The following OSTN variants were observed in gnomAD, a reference collection of about 807,000 sequenced individuals.
The protein encoded by OSTN is osteocrin.
In OSTN, 9 loss-of-function variants were observed where a neutral mutation model predicts 12.0. The ratio of observed to expected loss-of-function variants is 0.75; its 90% CI spans 0.45 to 1.30. The LOEUF (loss-of-function observed/expected upper bound fraction) is 1.30. Among genes scored for constraint, OSTN ranks in the 50% most tolerant of loss-of-function variants. OSTN has a pLI of 0.00. For missense variants in OSTN, 148 were observed against 152.3 expected (o/e 0.97, Z 0.15); for synonymous variants, 59 against 56.9 (o/e 1.04, Z -0.16).
chr3:191,205,972 G>C (rs1411234488), intron 1 of OSTN, among the ~76,000 whole-genome samples: 3 of 152,128 alleles, frequency 2.0e-5, no homozygotes, highest in Non-Finnish European at 4.4e-5. Context: ...ATCACCTGAA[G>C]TCAGGAGTTC....
intron 3 of OSTN, among the ~76,000 whole-genome samples, chr3:191,219,661 C>A (rs1277598992): frequency 6.6e-6 from 1 of 152,144 alleles, no homozygotes; most frequent in Non-Finnish European, 1.5e-5. Context: ...CCTTCAATAT[C>A]TGTTCTTCAT....
intron 4 of OSTN, among the ~76,000 whole-genome samples, chr3:191,250,934 G>C (rs138895069): frequency 2.2e-4 from 33 of 152,194 alleles, no homozygotes; most frequent in South Asian, 6.2e-4. Context: ...AGGGTTAAAG[G>C]TGCCAGCTAA....
intron 3 of OSTN, among the ~76,000 whole-genome samples, chr3:191,226,899 A>G (rs74828936): frequency 6.6e-6 from 1 of 152,140 alleles, no homozygotes; most frequent in Non-Finnish European, 1.5e-5. Flanking sequence ...GAAATAGATG[A>G]CCCCACATAG....
chr3:191,245,190 A>G (rs1715401931), intron 3 of OSTN, among the ~76,000 whole-genome samples: 1 of 152,218 alleles, frequency 6.6e-6, no homozygotes, highest in South Asian at 2.1e-4. Flanking sequence ...ATGTTTTTAC[A>G]TGTGTTACCT....
intron 3 of OSTN, among the ~76,000 whole-genome samples, chr3:191,225,996 T>A (rs778830748): frequency 6.6e-6 from 1 of 152,156 alleles, no homozygotes; most frequent in Non-Finnish European, 1.5e-5. Flanking sequence ...AAAAATACTT[T>A]GTAAAAGAAT....
intron 4 of OSTN, 96 bp from the exon 5 acceptor site, chr3:191,262,766 GTAAT>G: frequency 1.5e-6 from 1 of 649,754 alleles, no homozygotes; most frequent in Admixed American, 2.3e-5. Context: ...GAAACAGCAT[GTAAT>G]TAAAGACTTA....
At chr3:191,255,483 C>G (rs1456123658) in intron 4 of OSTN, among the ~76,000 whole-genome samples, 1 of 152,140 alleles carries the variant, frequency 6.6e-6, no homozygotes, top group Admixed American at 6.5e-5. Context: ...TAAAAATATA[C>G]CACTCCACTC....
At chr3:191,257,287 G>C (rs534185140) in intron 4 of OSTN, among the ~76,000 whole-genome samples, 91 of 149,036 alleles carry the variant, frequency 6.1e-4, no homozygotes, top group African/African-American at 2.1e-3. Context: ...TACACACTTT[G>C]CATATTTTTT....
intron 3 of OSTN, among the ~76,000 whole-genome samples, chr3:191,243,855 C>G (rs1405718418): frequency 6.6e-6 from 1 of 152,036 alleles, no homozygotes; most frequent in East Asian, 1.9e-4. Flanking sequence ...GTACTCAATT[C>G]CTTTTAAGTA....
chr3:191,242,837 C>T (rs1029821992), intron 3 of OSTN, among the ~76,000 whole-genome samples: 6 of 151,864 alleles, frequency 4.0e-5, no homozygotes, highest in Non-Finnish European at 7.4e-5. Context: ...TTTAAAACCA[C>T]ATCAAAGATT....
chr3:191,203,480 C>CAG (rs959529639), intron 1 of OSTN, among the ~76,000 whole-genome samples: 2 of 152,032 alleles, frequency 1.3e-5, no homozygotes, highest in African/African-American at 4.8e-5. Context: ...AAAAAACAGA[C>CAG]AGAGATAGTT....
intron 3 of OSTN, among the ~76,000 whole-genome samples, chr3:191,234,412 C>T (rs775329614): frequency 1.3e-4 from 19 of 151,908 alleles, no homozygotes; most frequent in Non-Finnish European, 2.8e-4. Flanking sequence ...AAAGTAGTGA[C>T]TTGGCCGGGT....
intron 3 of OSTN, among the ~76,000 whole-genome samples, chr3:191,233,434 G>A (rs760872299): frequency 2.6e-5 from 4 of 152,100 alleles, no homozygotes; most frequent in Admixed American, 6.5e-5. Flanking sequence ...TTTTATTTCT[G>A]TTTTCTTTTT....
rs139899668 is a variant in OSTN at position 191,216,516 on chromosome 3, T to G, written c.103-2231T>G. Among the ~76,000 whole-genome samples the G allele has an allele frequency of 4.6e-5, 7 of 151,734 alleles. No homozygotes were observed. The East Asian group carries it at 9.6e-4, about 21-fold the overall frequency. ...CCAAACTTTTTGCTCTGCTTCCCTT[T>G]TAAACATAACTTCTAATTTCAAGCC... On this transcript the variant is annotated intron_variant, in intron 2 of 4. Transcript: ENST00000682035.
intron 1 of OSTN, among the ~76,000 whole-genome samples, chr3:191,199,814 CA>C (rs1316548822): frequency 6.6e-6 from 1 of 152,040 alleles, no homozygotes; most frequent in Non-Finnish European, 1.5e-5. Context: ...GTCAAATATG[CA>C]AATATGATAT....
At chr3:191,214,184 A>T (rs1714540089) in intron 2 of OSTN, among the ~76,000 whole-genome samples, 1 of 152,168 alleles carries the variant, frequency 6.6e-6, no homozygotes, top group Non-Finnish European at 1.5e-5. Flanking sequence ...AAGGGAGTAC[A>T]CTAAGCAGTA....
At chr3:191,239,197 A>G (rs1715267079) in intron 3 of OSTN, among the ~76,000 whole-genome samples, 1 of 152,248 alleles carries the variant, frequency 6.6e-6, no homozygotes, top group South Asian at 2.1e-4. Context: ...AAATGAAAGT[A>G]CACTCCATAG....
At chr3:191,262,844 A>G in intron 4 of OSTN, 22 bp from the exon 5 acceptor site, 1 of 701,784 alleles carries the variant, frequency 1.4e-6, no homozygotes, top group Non-Finnish European at 2.6e-6. Context: ...AGCTTTAACA[A>G]TCTCAACTTT....
chr3:191,262,536 T>A (rs950503212), intron 4 of OSTN, among the ~76,000 whole-genome samples: 3 of 152,192 alleles, frequency 2.0e-5, no homozygotes, highest in African/African-American at 7.2e-5. Context: ...CACGGCAGTA[T>A]CCTTTGAACA....
Sources: allele counts gnomAD v4.1 joint callset (sites outside exome capture counted in the v4.1 genomes callset), GRCh38; gene constraint gnomAD v4.1.1; transcripts MANE v1.5; gene names NCBI Gene and HGNC (gene_info 2026-07-23, HGNC 2026-07-21).